KLRG1: variants seen among roughly 807,000 people sequenced by gnomAD.
KLRG1 encodes the protein killer cell lectin-like receptor subfamily G member 1.
A neutral mutation model predicts 21.8 loss-of-function variants in KLRG1; 16 were observed. That is an observed-to-expected ratio of 0.73 (90% CI 0.50 to 1.11). KLRG1 has a LOEUF of 1.11. Among genes scored for constraint, KLRG1 ranks in the 50% most tolerant of loss-of-function variants. KLRG1 has a pLI of 0.00. For synonymous variants in KLRG1, 69 were observed against 75.9 expected (o/e 0.91, Z 0.47); for missense variants, 173 against 218.3 (o/e 0.79, Z 1.31).
chr12:9,156,330 C>T, the KLRG1 span: 3 of 207,192 alleles, frequency 1.4e-5, no homozygotes, highest in South Asian at 3.1e-4. Flanking sequence ...GTCCTACTGA[C>T]CATCTTCCCC....
chr12:9,161,796 A>G, the KLRG1 span, among the ~76,000 whole-genome samples: 1 of 152,222 alleles, frequency 6.6e-6, no homozygotes, highest in Non-Finnish European at 1.5e-5. Context: ...ACTACTTCTT[A>G]ATGATATGAT....
the KLRG1 span, among the ~76,000 whole-genome samples, chr12:9,208,737 T>A: frequency 9.2e-5 from 14 of 152,208 alleles, no homozygotes; most frequent in African/African-American, 3.4e-4. Flanking sequence ...AGCTCATGCA[T>A]TGCAGATTCA....
At chr12:9,174,748 T>TA in the KLRG1 span, among the ~76,000 whole-genome samples, 1 of 152,086 alleles carries the variant, frequency 6.6e-6, no homozygotes, top group South Asian at 2.1e-4. Flanking sequence ...GGAATACAGC[T>TA]AACAAGGGAA....
At chr12:9,003,866 A>G (rs1323311293) in intron 3 of KLRG1, among the ~76,000 whole-genome samples, 1 of 124,234 alleles carries the variant, frequency 8.0e-6, no homozygotes, top group Admixed American at 8.9e-5. Context: ...CCCCCACCCC[A>G]CAACTGTCCC....
chr12:9,012,209 G>T (rs1443200670), downstream of KLRG1, among the ~76,000 whole-genome samples: 3 of 152,158 alleles, frequency 2.0e-5, no homozygotes, highest in African/African-American at 7.2e-5. Context: ...CTCTGGGAGA[G>T]ACTCCTTCCT....
the KLRG1 span, chr12:9,197,227 A>T: frequency 1.4e-6 from 1 of 734,162 alleles, no homozygotes; most frequent in African/African-American, 1.8e-5. Flanking sequence ...ACACATCTTT[A>T]TCATCTGGGT....
chr12:9,186,426 G>A, the KLRG1 span, among the ~76,000 whole-genome samples: 1 of 152,112 alleles, frequency 6.6e-6, no homozygotes, highest in Non-Finnish European at 1.5e-5. Context: ...AATGTAAACA[G>A]ACTAAATGCC....
the KLRG1 span, among the ~76,000 whole-genome samples, chr12:9,019,744 T>A: frequency 2.6e-5 from 4 of 152,180 alleles, no homozygotes; most frequent in Non-Finnish European, 4.4e-5. Context: ...TTCTGATTTC[T>A]TCCTTTAAAA....
At chr12:9,169,661 A>G in the KLRG1 span, 2 of 1,361,766 alleles carry the variant, frequency 1.5e-6, no homozygotes, top group East Asian at 2.5e-5. Flanking sequence ...GAACTGAGAG[A>G]AATAAAATAA....
the KLRG1 span, among the ~76,000 whole-genome samples, chr12:9,117,897 T>C: frequency 3.9e-5 from 6 of 152,340 alleles, no homozygotes; most frequent in South Asian, 6.2e-4. Context: ...GACTTTTTTT[T>C]CATAATTTGT....
At chr12:9,068,813 G>A in the KLRG1 span, 6 of 1,606,982 alleles carry the variant, frequency 3.7e-6, no homozygotes, top group African/African-American at 4.0e-5. Context: ...GCAGAACCGT[G>A]AAGAACAAGC....
At chr12:9,060,054 G>C in the KLRG1 span, among the ~76,000 whole-genome samples, 1 of 137,720 alleles carries the variant, frequency 7.3e-6, no homozygotes, top group Non-Finnish European at 1.5e-5. Flanking sequence ...GCCCAGGCTG[G>C]AGTGCAGTGG....
At chr12:9,161,614 A>G in the KLRG1 span, among the ~76,000 whole-genome samples, 1 of 152,180 alleles carries the variant, frequency 6.6e-6, no homozygotes, top group African/African-American at 2.4e-5. Context: ...TATAACCATG[A>G]TAATACAAGT....
chr12:8,980,429 GT>G (rs1297296568), intron 1 of KLRG1, among the ~76,000 whole-genome samples: 9 of 152,046 alleles, frequency 5.9e-5, no homozygotes, highest in African/African-American at 1.9e-4. Flanking sequence ...AATCTATTGC[GT>G]TTTTTGGTGA....
chr12:9,132,389 A>C, the KLRG1 span, among the ~76,000 whole-genome samples: 1 of 152,352 alleles, frequency 6.6e-6, no homozygotes, highest in African/African-American at 2.4e-5. Flanking sequence ...AGTCATCTGC[A>C]AGTACAGAAA....
chr12:9,002,640 C>T (rs1947338722), intron 3 of KLRG1, among the ~76,000 whole-genome samples: 1 of 152,082 alleles, frequency 6.6e-6, no homozygotes, highest in African/African-American at 2.4e-5. Flanking sequence ...AATCTCATCT[C>T]ACTGCAACCT....
At chr12:9,187,291 C>A in the KLRG1 span, among the ~76,000 whole-genome samples, 1 of 151,996 alleles carries the variant, frequency 6.6e-6, no homozygotes, top group South Asian at 2.1e-4. Flanking sequence ...ATCATCAAGG[C>A]AGAAATTTAG....
the KLRG1 span, among the ~76,000 whole-genome samples, chr12:9,043,910 A>T: frequency 6.6e-6 from 1 of 152,238 alleles, no homozygotes; most frequent in South Asian, 2.1e-4. Context: ...CTGAGACTAC[A>T]TGCAGGGAGA....
At chr12:9,055,041 T>C in the KLRG1 span, among the ~76,000 whole-genome samples, 1 of 152,234 alleles carries the variant, frequency 6.6e-6, no homozygotes, top group Admixed American at 6.5e-5. Context: ...ACTTCTCCAA[T>C]AACACGTGAT....
Sources: allele counts gnomAD v4.1 joint callset (sites outside exome capture counted in the v4.1 genomes callset), GRCh38; gene constraint gnomAD v4.1.1; transcripts MANE v1.5; gene names NCBI Gene and HGNC (gene_info 2026-07-23, HGNC 2026-07-21).